The following MINPP1 variants were observed in gnomAD, a reference collection of about 807,000 sequenced individuals.
The protein encoded by MINPP1 is multiple inositol-polyphosphate phosphatase 1, also known as multiple inositol polyphosphate phosphatase 1.
A neutral mutation model predicts 46.1 loss-of-function variants in MINPP1; 28 were observed. The observed-to-expected ratio is 0.61, with a 90% CI of 0.45 to 0.83. MINPP1 has a LOEUF of 0.83. MINPP1 is among the 40% of genes least tolerant of loss of function. MINPP1 has a pLI of 0.00. For synonymous variants in MINPP1, 268 were observed against 249.1 expected (o/e 1.08, Z -0.72); for missense variants, 603 against 610.0 (o/e 0.99, Z 0.12).
chr10:87,536,759 A>G (rs1367196119), intron 4 of MINPP1, among the ~76,000 whole-genome samples: 2 of 152,118 alleles, frequency 1.3e-5, no homozygotes, highest in African/African-American at 4.8e-5. Context: ...ACCAAGTAGT[A>G]TTCTGTTACA....
chr10:87,521,896 G>C (rs1204250529), intron 4 of MINPP1, among the ~76,000 whole-genome samples: 2 of 152,036 alleles, frequency 1.3e-5, no homozygotes, highest in Non-Finnish European at 2.9e-5. Context: ...TCAATTCCAG[G>C]CTTGTTTCAA....
chr10:87,513,879 A>G (rs1269760258), intron 3 of MINPP1, among the ~76,000 whole-genome samples: 6 of 152,118 alleles, frequency 3.9e-5, no homozygotes, highest in South Asian at 2.1e-4. Flanking sequence ...ATAGAGCCGT[A>G]TACAATAGAG....
chr10:87,530,257 G>A (rs944739270), intron 4 of MINPP1, among the ~76,000 whole-genome samples: 1 of 152,170 alleles, frequency 6.6e-6, no homozygotes, highest in Non-Finnish European at 1.5e-5. Flanking sequence ...TGCTGGTGAG[G>A]ATCTGTGTTT....
chr10:87,512,484 T>C (rs983096413), intron 2 of MINPP1, among the ~76,000 whole-genome samples: 20 of 152,158 alleles, frequency 1.3e-4, no homozygotes, highest in Non-Finnish European at 5.9e-5. Context: ...GTCTTCTCTC[T>C]CCTTTTATAT....
chr10:87,533,562 C>G (rs184892228), intron 4 of MINPP1, among the ~76,000 whole-genome samples: 3 of 152,050 alleles, frequency 2.0e-5, no homozygotes, highest in Admixed American at 6.6e-5. Flanking sequence ...TTTTTAGATT[C>G]GAGGATTTCA....
chr10:87,526,903 A>G (rs1205808900), intron 4 of MINPP1, among the ~76,000 whole-genome samples: 1 of 152,034 alleles, frequency 6.6e-6, no homozygotes, highest in African/African-American at 2.4e-5. Context: ...CCATTGGTCT[A>G]TATCTTTGTT....
At chr10:87,535,123 GGC>G (rs1264370632) in intron 4 of MINPP1, among the ~76,000 whole-genome samples, 1 of 152,244 alleles carries the variant, frequency 6.6e-6, no homozygotes, top group Non-Finnish European at 1.5e-5. Context: ...AGTTGGAAAT[GGC>G]TTCTGTGTGG....
intron 4 of MINPP1, among the ~76,000 whole-genome samples, chr10:87,523,403 T>C (rs535709376): frequency 6.6e-6 from 1 of 151,566 alleles, no homozygotes; most frequent in Non-Finnish European, 1.5e-5. Flanking sequence ...CAGGCTGGAG[T>C]GCAGTGGCGT....
intron 2 of MINPP1, among the ~76,000 whole-genome samples, chr10:87,509,409 C>T (rs575167657): frequency 1.3e-5 from 2 of 152,258 alleles, no homozygotes; most frequent in South Asian, 2.1e-4. Flanking sequence ...TTTTCTCTCT[C>T]TCCAAACTGG....
intron 4 of MINPP1, among the ~76,000 whole-genome samples, chr10:87,547,488 T>C (rs1851904364): frequency 6.6e-6 from 1 of 152,184 alleles, no homozygotes; most frequent in African/African-American, 2.4e-5. Context: ...CATAAACAAG[T>C]ATTTTCTTAT....
intron 4 of MINPP1, among the ~76,000 whole-genome samples, chr10:87,535,401 A>T (rs1851719486): frequency 6.6e-6 from 1 of 152,222 alleles, no homozygotes; most frequent in Non-Finnish European, 1.5e-5. Flanking sequence ...GTATTTTATT[A>T]ATTGTTATTA....
Position 87,552,682 on chromosome 10 carries a change from A to G in MINPP1, c.*204A>G, listed in dbSNP as rs933671547. On this transcript the variant is annotated 3_prime_UTR_variant, in exon 5 of 5. Coordinates refer to ENST00000371996, the MANE Select transcript of MINPP1 (RefSeq NM_004897.5). ...TCACTGGAGCAGCTCTCTTAAGGAGAAACAAATCTATTTAGAGAAACAGCT... is the reference window on the plus strand; with the variant it reads ...TCACTGGAGCAGCTCTCTTAAGGAGGAACAAATCTATTTAGAGAAACAGCT... 1.8e-6 allele frequency: 1 copy of G among 555,292 alleles called. No homozygotes were observed. Among genetic ancestry groups the G allele is most frequent in the Non-Finnish European group, 3.2e-6 (1 of 317,096 alleles). The allele number at this position is 555,292 out of a possible 1,614,324, so 34.4% of individuals were successfully genotyped here.
intron 4 of MINPP1, among the ~76,000 whole-genome samples, chr10:87,545,578 A>G (rs1475003192): frequency 6.6e-6 from 1 of 152,230 alleles, no homozygotes; most frequent in Admixed American, 6.5e-5. Flanking sequence ...ATACTAACTT[A>G]AAATATCTTC....
In MINPP1 at chr10:87,516,320, T is replaced by A. The variant is rs1331382977; in HGVS notation, c.933+3099T>A. 2.9e-5 allele frequency among the ~76,000 whole-genome samples: 3 copies of A among 104,232 alleles called. 1 individual carries two copies. In the East Asian group the frequency reaches 6.9e-4, roughly 24 times the overall value. The allele number at this position is 104,232 out of a possible 152,430, so 68.4% of individuals were successfully genotyped here. On this transcript the variant is annotated intron_variant, in intron 3 of 4. Transcript: ENST00000371996. The stretch of plus-strand genomic sequence containing the variant: ...AGAATGCCACAAGGAATGAAAGACA[T>A]GTAACTAAACCATTGCAAGACAATA...
At chr10:87,518,454 G>C (rs1369724452) in intron 3 of MINPP1, among the ~76,000 whole-genome samples, 1 of 151,884 alleles carries the variant, frequency 6.6e-6, no homozygotes, top group Non-Finnish European at 1.5e-5. Context: ...CTTTGTGTAA[G>C]GACAGACTCT....
At chr10:87,516,882 A>G (rs552470069) in intron 3 of MINPP1, among the ~76,000 whole-genome samples, 1 of 152,238 alleles carries the variant, frequency 6.6e-6, no homozygotes, top group East Asian at 1.9e-4. Flanking sequence ...TTTTTTCCCT[A>G]AGAAACAGTT....
chr10:87,541,840 G>A (rs1180030359), intron 4 of MINPP1, among the ~76,000 whole-genome samples: 1 of 152,108 alleles, frequency 6.6e-6, no homozygotes, highest in Non-Finnish European at 1.5e-5. Flanking sequence ...TTGTCACCAA[G>A]GGGATGATGC....
chr10:87,522,149 G>C (rs1851510800), intron 4 of MINPP1, among the ~76,000 whole-genome samples: 1 of 151,854 alleles, frequency 6.6e-6, no homozygotes. Context: ...TTTAACAAAA[G>C]TGTAAAAAAA....
At chr10:87,520,079 T>TGTGTGTGTGTGTGTGTGTGTG (rs1359714382) in intron 3 of MINPP1, among the ~76,000 whole-genome samples, 7 of 151,664 alleles carry the variant, frequency 4.6e-5, no homozygotes, top group South Asian at 4.2e-4. Context: ...TGTGTGTGTG[T>TGTGTGTGTGTGTGTGTGTGTG]TGGTAATAAA....
Sources: allele counts gnomAD v4.1 joint callset (sites outside exome capture counted in the v4.1 genomes callset), GRCh38; gene constraint gnomAD v4.1.1; transcripts MANE v1.5; gene names NCBI Gene and HGNC (gene_info 2026-07-23, HGNC 2026-07-21).